The following HACD1 variants were observed in gnomAD, a reference collection of about 807,000 sequenced individuals.
HACD1 encodes the protein 3-hydroxyacyl-CoA dehydratase 1, also known as very-long-chain (3R)-3-hydroxyacyl-CoA dehydratase 1.
Under a neutral mutation model 32.0 loss-of-function variants are expected in HACD1, and 41 were observed. That is an observed-to-expected ratio of 1.28 (90% confidence interval 1.00 to 1.66). The LOEUF (loss-of-function observed/expected upper bound fraction) is 1.66, where lower values mean the gene tolerates loss of function less well. Among genes scored for constraint, HACD1 ranks in the 40% most tolerant of loss-of-function variants. The pLI is 0.00. For missense variants in HACD1, 396 were observed against 380.1 expected, an observed-to-expected ratio of 1.04 and a Z score of -0.35; for synonymous variants, 142 against 139.0, an observed-to-expected ratio of 1.02 and a Z score of -0.15.
intron 4 of HACD1, among the ~76,000 whole-genome samples, chr10:17,601,329 C>T (rs572671219): frequency 5.9e-5 from 9 of 152,136 alleles, no homozygotes; most frequent in East Asian, 1.9e-4. Flanking sequence ...CCACCCCACC[C>T]GCCCACCTTA....
chr10:17,589,131 C>T lies in HACD1; in HGVS notation c.*1233G>A, dbSNP rs1295740000. ...GAATGAAAGGAGTCTGTCCAAAGAT[C>T]ATACCCCAAAATGTTTAGTTACCTA... is the stretch of plus-strand genomic sequence containing the variant. On this transcript the variant is annotated 3_prime_UTR_variant, in exon 7 of 7. Coordinates refer to ENST00000361271, the MANE Select transcript of HACD1 (RefSeq NM_014241.4). 6.6e-6 allele frequency: 1 copy of T among 152,160 alleles called. No individual in the cohort carries two copies. The highest frequency in any genetic ancestry group is 6.5e-5 in the Admixed American group (1 of 15,270). 9.4% of individuals were successfully genotyped at this position (152,160 alleles called of 1,614,324 possible).
At chr10:17,594,828 T>G (rs1441393738) in intron 5 of HACD1, among the ~76,000 whole-genome samples, 8 of 150,402 alleles carry the variant, frequency 5.3e-5, no homozygotes, top group Non-Finnish European at 1.2e-4. Flanking sequence ...TGTGCCACCA[T>G]ACCCAGCTAA....
intron 4 of HACD1, among the ~76,000 whole-genome samples, chr10:17,601,602 T>C (rs1554816525): frequency 1.3e-5 from 2 of 152,188 alleles, no homozygotes; most frequent in African/African-American, 4.8e-5. Flanking sequence ...TTGTCTTTCT[T>C]CTTCATTCTT....
At chr10:17,604,834 T>C (rs1554816921) in intron 1 of HACD1, among the ~76,000 whole-genome samples, 2 of 152,114 alleles carry the variant, frequency 1.3e-5, no homozygotes, top group East Asian at 1.9e-4. Context: ...GCCTTCCCCA[T>C]AGCTGGGTCT....
rs74960371 is a variant in HACD1, at chr10:17,593,260, G to A, written c.784+945C>T. Reference sequence around the variant, plus strand: ...TAGATGAAATAATTTGTATCATGTCGATGTAGATTTTAGAGCTATCAATAT... The same window carrying A: ...TAGATGAAATAATTTGTATCATGTCAATGTAGATTTTAGAGCTATCAATAT... On this transcript the variant is annotated intron_variant, in intron 6 of 6. Coordinates refer to ENST00000361271, the MANE Select transcript of HACD1 (RefSeq NM_014241.4). Among the ~76,000 whole-genome samples, 361 of 151,904 alleles carry A rather than the reference G, an allele frequency of 2.4e-3. 17 individuals carry two copies. In the East Asian group the frequency reaches 0.063, roughly 26 times the overall value.
chr10:17,600,779 A>G (rs1554816439), intron 4 of HACD1, among the ~76,000 whole-genome samples: 1 of 152,152 alleles, frequency 6.6e-6, no homozygotes, highest in East Asian at 1.9e-4. Context: ...ACGTCAGACT[A>G]AGTCCTTAGG....
chr10:17,613,097 GGTGTGTGTGT>G (rs56074507), intron 1 of HACD1, among the ~76,000 whole-genome samples: 5,920 of 132,814 alleles, frequency 0.045, 191 homozygotes, highest in African/African-American at 0.088. Context: ...TGCAATTTGG[GGTGTGTGTGT>G]GTGTGTGTGT....
intron 6 of HACD1, among the ~76,000 whole-genome samples, chr10:17,591,954 T>C (rs12783188): frequency 0.21 from 30,379 of 146,472 alleles, 3,867 homozygotes; most frequent in East Asian, 0.46. Context: ...GTTCAAACCC[T>C]GCCTTAACTC....
intron 5 of HACD1, among the ~76,000 whole-genome samples, chr10:17,598,577 C>T (rs1554816191): frequency 1.3e-5 from 2 of 152,154 alleles, no homozygotes; most frequent in African/African-American, 4.8e-5. Flanking sequence ...AGTAGGCACA[C>T]ACCATTTGTC....
Position 17,617,284 on chromosome 10 carries a change from C to G in HACD1, c.56G>C (p.Trp19Ser), listed in dbSNP as rs1554818280. 1.4e-6 allele frequency: 2 copies of G among 1,462,132 alleles called. No individual in the cohort carries two copies. Among genetic ancestry groups the G allele is most frequent in the Non-Finnish European group, 9.0e-7 (1 of 1,113,194 alleles). 90.6% of individuals were successfully genotyped at this position (1,462,132 alleles called of 1,614,324 possible). A position where few individuals can be genotyped will look rare whatever the true frequency, so the allele number is the denominator to read the frequency against. The part of the protein sequence containing the change: ...AAGSGSRAAG[W>S]AGSPPTLLPL... ...CAGGAGCGTGGGAGGGGACCCTGCC[C>G]AGCCTGCAGCCCGAGAGCCGCTGCC... Residue 19 changes from tryptophan to serine, a missense_variant, in exon 1 of 7, where the codon TGG becomes TCG. By Grantham distance (177) the Trp-to-Ser change is radical. Coordinates refer to ENST00000361271, the MANE Select transcript of HACD1 (RefSeq NM_014241.4).
In HACD1 at chr10:17,591,976, A is replaced by ATTTTTTTTTTTTTTT. The variant is rs71393019; in HGVS notation, c.785-1545_785-1531dup. ...CCCTGCCTTAACTCACCAGCTACTG[A>ATTTTTTTTTTTTTTT]TTTTTTTTTTTTTTTTTTTTTTTGA... On this transcript the variant is annotated intron_variant, in intron 6 of 6. Coordinates refer to ENST00000361271, the MANE Select transcript of HACD1 (RefSeq NM_014241.4). Among the ~76,000 whole-genome samples the ATTTTTTTTTTTTTTT allele has an allele frequency of 3.6e-3, 353 of 96,930 alleles. 46 individuals carry two copies. Among genetic ancestry groups the ATTTTTTTTTTTTTTT allele is most frequent in the African/African-American group, 0.01 (223 of 22,280 alleles). The allele number at this position is 96,930 out of a possible 152,430, so 63.6% of individuals were successfully genotyped here. A position where few individuals can be genotyped will look rare whatever the true frequency, so the allele number is the denominator to read the frequency against.
intron 1 of HACD1, among the ~76,000 whole-genome samples, chr10:17,612,821 C>T (rs1833006971): frequency 6.6e-6 from 1 of 151,536 alleles, no homozygotes; most frequent in Non-Finnish European, 1.5e-5. Context: ...ACTCAGGAGA[C>T]TGAGGCAGGA....
At chr10:17,593,801 A>T (rs1362106776) in intron 6 of HACD1, among the ~76,000 whole-genome samples, 2 of 152,254 alleles carry the variant, frequency 1.3e-5, no homozygotes, top group Non-Finnish European at 2.9e-5. Flanking sequence ...TTTTCCAAGT[A>T]TATGCTTAAT....
intron 6 of HACD1, among the ~76,000 whole-genome samples, chr10:17,591,514 A>G (rs2131501034): frequency 6.6e-6 from 1 of 152,344 alleles, no homozygotes; most frequent in Admixed American, 6.5e-5. Flanking sequence ...CCATTATATA[A>G]TAACACATAA....
In HACD1 at chr10:17,599,316, G is replaced by A. The variant is rs1834036478; in HGVS notation, c.579C>T (p.His193=). 2 of 1,614,052 alleles carry A rather than the reference G, an allele frequency of 1.2e-6. No homozygotes were observed. Among genetic ancestry groups the A allele is most frequent in the African/African-American group, 1.3e-5 (1 of 75,056 alleles). ...TGGCCCATTTAATGAAGTATGGCAAGTGGTCAAGAAGGCTGAATGTGTAGA... is the reference window on the plus strand; with the variant it reads ...TGGCCCATTTAATGAAGTATGGCAAATGGTCAAGAAGGCTGAATGTGTAGA... ...YSFYTFSLLD[H]LPYFIKWARY... The change falls in exon 5 of 7, where the codon CAC becomes CAT. Residue 193 remains histidine (H), a synonymous_variant. Transcript: ENST00000361271.
chr10:17,615,795 T>C, intron 1 of HACD1: 1 of 428,462 alleles, frequency 2.3e-6, no homozygotes, highest in Non-Finnish European at 4.7e-6. Context: ...GGTGATACCC[T>C]GTCTCTACCA....
At chr10:17,609,767 G>C (rs1255965191) in intron 1 of HACD1, among the ~76,000 whole-genome samples, 1 of 151,984 alleles carries the variant, frequency 6.6e-6, no homozygotes, top group Non-Finnish European at 1.5e-5. Flanking sequence ...GATCATTTGA[G>C]GTCAGGAGTT....
chr10:17,599,005 TTG>T (rs1834031789), intron 5 of HACD1: 1 of 336,028 alleles, frequency 3.0e-6, no homozygotes, highest in African/African-American at 2.2e-5. Context: ...AAAATGTATA[TTG>T]TGCTTTCCAA....
chr10:17,589,252 T>C lies in HACD1; in HGVS notation c.*1112A>G, dbSNP rs45555338. ...CAAAGTTCTGAGTACAGCATGATCA[T>C]CTTCCTCATCATCGTTATCATCATC... On this transcript the variant is annotated 3_prime_UTR_variant, in exon 7 of 7. Coordinates refer to ENST00000361271, the MANE Select transcript of HACD1 (RefSeq NM_014241.4). 42,561 of 152,144 alleles carry C rather than the reference T, an allele frequency of 0.28. 6,304 individuals are homozygous for C. The highest frequency in any genetic ancestry group is 0.33 in the Middle Eastern group (97 of 292). The allele number at this position is 152,144 out of a possible 1,614,324, so 9.4% of individuals were successfully genotyped here.
Sources: gnomAD v4.1 joint callset for allele counts (sites outside exome capture counted in the v4.1 genomes callset) on GRCh38, gnomAD v4.1.1 for gene constraint, MANE v1.5 for transcripts, NCBI Gene and HGNC (gene_info 2026-07-23, HGNC 2026-07-21) for gene names.